SYN3: variants seen among roughly 807,000 people sequenced by gnomAD.
The protein encoded by SYN3 is synapsin-3.
A neutral mutation model predicts 65.8 loss-of-function variants in SYN3; 35 were observed. The ratio of observed to expected loss-of-function variants is 0.53; its 90% confidence interval spans 0.41 to 0.70. SYN3 has a LOEUF of 0.70. Among genes scored for constraint, SYN3 ranks in the 30% least tolerant of loss-of-function variants. The pLI is 0.00. For missense variants in SYN3, 680 were observed against 749.0 expected, an observed-to-expected ratio of 0.91 and a Z score of 1.08; for synonymous variants, 270 against 292.9, an observed-to-expected ratio of 0.92 and a Z score of 0.80.
chr22:32,739,174 A>G (rs1967960), intron 6 of SYN3, among the ~76,000 whole-genome samples: 37,517 of 145,942 alleles, frequency 0.26, 5,368 homozygotes, highest in East Asian at 0.57. Flanking sequence ...ATTGAATCAC[A>G]GGGGGGGGGC....
rs2058540998 is a variant in SYN3, at chr22:32,558,761, C to T, written c.775-17048G>A. Among the ~76,000 whole-genome samples, 4 of 152,186 alleles carry T rather than the reference C, an allele frequency of 2.6e-5. No individual in the cohort carries two copies. The South Asian group carries it at 8.3e-4, about 32-fold the overall frequency. Reference sequence around the variant, plus strand: ...AGGTATCCCCCACTGGAATCATGGCCCTGATGACTCAACCCAAGGGCCCCT... The same window carrying T: ...AGGTATCCCCCACTGGAATCATGGCTCTGATGACTCAACCCAAGGGCCCCT... On this transcript the variant is annotated intron_variant, in intron 7 of 13. Transcript: ENST00000358763.
intron 12 of SYN3, among the ~76,000 whole-genome samples, chr22:32,527,311 C>CTT (rs933938786): frequency 6.6e-6 from 1 of 152,192 alleles, no homozygotes; most frequent in Non-Finnish European, 1.5e-5. Flanking sequence ...AAAGCCTCAA[C>CTT]TTTTACCTCG....
At chr22:32,548,512 A>G (rs2058365985) in intron 7 of SYN3, among the ~76,000 whole-genome samples, 1 of 152,094 alleles carries the variant, frequency 6.6e-6, no homozygotes, top group Non-Finnish European at 1.5e-5. Context: ...AGCTGGGACT[A>G]CAGGCGCCCA....
At chr22:32,835,218 A>G (rs1314242408) in intron 6 of SYN3, among the ~76,000 whole-genome samples, 12 of 152,196 alleles carry the variant, frequency 7.9e-5, no homozygotes, top group African/African-American at 2.4e-5. Flanking sequence ...GAAGCAATCA[A>G]TAAGGGCCAA....
Position 32,518,265 on chromosome 22 carries a change from G to C in SYN3, c.1388C>G (p.Pro463Arg), listed in dbSNP as rs764064961. Reference protein sequence around the residue: ...SGSPSQQRLSPQGQQPLSPQS... With the variant: ...SGSPSQQRLSRQGQQPLSPQS... ...GGGGCTCAGGGGCTGCTGGCCTTGT[G>C]GGGAGAGCCTCTGTTGGGAGGGGCT... The change falls in exon 13 of 14, where the codon CCA (proline) becomes CGA (arginine). Residue 463 changes from proline to arginine, a missense_variant. Coordinates refer to ENST00000358763, the MANE Select transcript of SYN3 (RefSeq NM_003490.4). 2.8e-5 allele frequency: 45 copies of C among 1,612,838 alleles called. No individual in the cohort carries two copies. The highest frequency in any genetic ancestry group is 3.7e-5 in the Non-Finnish European group (44 of 1,179,284).
intron 6 of SYN3, among the ~76,000 whole-genome samples, chr22:32,743,170 T>C (rs1209696609): frequency 6.6e-6 from 1 of 152,232 alleles, no homozygotes; most frequent in Admixed American, 6.5e-5. Context: ...TGAGTATAAA[T>C]GTATGATTCA....
At chr22:32,773,263 C>T (rs373641656) in intron 6 of SYN3, among the ~76,000 whole-genome samples, 6 of 152,040 alleles carry the variant, frequency 3.9e-5, no homozygotes, top group East Asian at 3.9e-4. Flanking sequence ...AACAATTAGC[C>T]GGCCATGGTG....
chr22:33,028,830 G>C (rs2145888897), intron 1 of SYN3, among the ~76,000 whole-genome samples: 1 of 152,208 alleles, frequency 6.6e-6, no homozygotes, highest in East Asian at 1.9e-4. Context: ...CACGAGGTCA[G>C]GAGATCGAGA....
At chr22:32,579,950 G>A (rs891116611) in intron 7 of SYN3, among the ~76,000 whole-genome samples, 1 of 152,234 alleles carries the variant, frequency 6.6e-6, no homozygotes, top group Non-Finnish European at 1.5e-5. Context: ...CCGTGAAATT[G>A]AATGGAGGGG....
At chr22:32,696,937 CCTG>C (rs1393776216) in intron 6 of SYN3, among the ~76,000 whole-genome samples, 1 of 152,162 alleles carries the variant, frequency 6.6e-6, no homozygotes, top group Non-Finnish European at 1.5e-5. Context: ...CAGCCTGCTT[CCTG>C]CTGCCCAACC....
chr22:32,558,461 A>G (rs1267083515), intron 7 of SYN3, among the ~76,000 whole-genome samples: 2 of 152,228 alleles, frequency 1.3e-5, no homozygotes, highest in Non-Finnish European at 2.9e-5. Context: ...GAGGATATGA[A>G]TCTGGTCCTG....
chr22:32,549,879 A>ACT (rs1460874723), intron 7 of SYN3, among the ~76,000 whole-genome samples: 1 of 109,032 alleles, frequency 9.2e-6, no homozygotes, highest in Non-Finnish European at 1.8e-5. Context: ...GCACAGCGAG[A>ACT]CTCTGTCTCA....
intron 6 of SYN3, among the ~76,000 whole-genome samples, chr22:32,679,638 C>G (rs2060494475): frequency 6.6e-6 from 1 of 152,024 alleles, no homozygotes; most frequent in Admixed American, 6.5e-5. Context: ...TTCATCAACA[C>G]TTTTGTTTTT....
At chr22:33,028,694 G>GTGGTGA (rs1569413501) in intron 1 of SYN3, among the ~76,000 whole-genome samples, 45 of 131,272 alleles carry the variant, frequency 3.4e-4, no homozygotes, top group African/African-American at 8.8e-4. Context: ...GGTGGTGATG[G>GTGGTGA]TGGTGGTGGT....
intron 1 of SYN3, among the ~76,000 whole-genome samples, chr22:33,023,195 C>T (rs1394677656): frequency 6.6e-6 from 1 of 152,156 alleles, no homozygotes; most frequent in Non-Finnish European, 1.5e-5. Context: ...TACGGTTTGG[C>T]TCCGTGTCCC....
chr22:32,762,829 A>T (rs1435222440), intron 6 of SYN3, among the ~76,000 whole-genome samples: 1 of 152,036 alleles, frequency 6.6e-6, no homozygotes, highest in African/African-American at 2.4e-5. Context: ...TTGTAAGGTA[A>T]GGAAAATAGT....
intron 6 of SYN3, among the ~76,000 whole-genome samples, chr22:32,855,327 T>TGGGCACACACTGTGCCTCTGAAGG (rs2048334257): frequency 1.3e-5 from 2 of 152,180 alleles, no homozygotes; most frequent in Non-Finnish European, 2.9e-5. Flanking sequence ...CCAGTGACTC[T>TGGGCACACACTGTGCCTCTGAAGG]GGGCACACAC....
rs1024643818 is a variant in SYN3 at position 32,837,673 on chromosome 22, A to G, written c.711+27242T>C. Among the ~76,000 whole-genome samples the G allele has an allele frequency of 2.0e-5, 3 of 152,108 alleles. No individual in the cohort carries two copies. Among genetic ancestry groups the G allele is most frequent in the African/African-American group, 7.2e-5 (3 of 41,396 alleles). On this transcript the variant is annotated intron_variant, in intron 6 of 13. Coordinates refer to ENST00000358763, the MANE Select transcript of SYN3 (RefSeq NM_003490.4). This position sits in a 1 kb window ranked among gnomAD's most constrained non-coding sequence, Gnocchi z 4.1. ...TTGGGGCTTCGGGGGCCTCCTGTCA[A>G]TGGACTGTTTGGACACCCATTTGGA...
At chr22:32,887,011 A>G (rs138044329) in intron 4 of SYN3, among the ~76,000 whole-genome samples, 33 of 151,288 alleles carry the variant, frequency 2.2e-4, no homozygotes, top group Non-Finnish European at 4.6e-4. Flanking sequence ...GCTACGTCAG[A>G]TAAGTCTCAG....
Sources: allele counts gnomAD v4.1 joint callset (sites outside exome capture counted in the v4.1 genomes callset), GRCh38; gene constraint gnomAD v4.1.1; non-coding constraint Gnocchi (gnomAD v3.1); transcripts MANE v1.5; gene names NCBI Gene and HGNC (gene_info 2026-07-23, HGNC 2026-07-21).